FRMD5: variants seen among roughly 807,000 people sequenced by gnomAD.
FRMD5 encodes FERM domain containing 5, also known as FERM domain-containing protein 5.
Under a neutral mutation model 69.0 loss-of-function variants are expected in FRMD5, and 20 were observed. That is an observed-to-expected ratio of 0.29 (90% CI 0.20 to 0.42). The LOEUF (loss-of-function observed/expected upper bound fraction) is 0.42. Ranked by LOEUF, FRMD5 falls within the 10% of genes least tolerant of loss-of-function variation. FRMD5 has a pLI of 1.00. For missense variants in FRMD5, 595 were observed against 708.6 expected, an observed-to-expected ratio of 0.84 and a Z score of 1.82; for synonymous variants, 271 against 260.1, an observed-to-expected ratio of 1.04 and a Z score of -0.40.
chr15:44,181,316 G>A (rs1169855628), intron 1 of FRMD5, among the ~76,000 whole-genome samples: 1 of 151,848 alleles, frequency 6.6e-6, no homozygotes, highest in East Asian at 1.9e-4. Flanking sequence ...AGTGTTGGAG[G>A]CATGAGCTAC....
At chr15:44,142,950 C>T (rs1377907467) in intron 1 of FRMD5, among the ~76,000 whole-genome samples, 1 of 151,854 alleles carries the variant, frequency 6.6e-6, no homozygotes, top group African/African-American at 2.4e-5. Flanking sequence ...ATTAGCTGGG[C>T]GTGGTGGCGC....
At chr15:43,912,693 G>C (rs1254692585) in intron 4 of FRMD5, among the ~76,000 whole-genome samples, 1 of 151,916 alleles carries the variant, frequency 6.6e-6, no homozygotes, top group Non-Finnish European at 1.5e-5. Flanking sequence ...GTCAGAATCT[G>C]TATGTGTTGG....
At chr15:44,109,734 A>G (rs1017517585) in intron 1 of FRMD5, among the ~76,000 whole-genome samples, 1 of 152,322 alleles carries the variant, frequency 6.6e-6, no homozygotes, top group Non-Finnish European at 1.5e-5. Flanking sequence ...AAAGTGTACA[A>G]TGACGTATAT....
At chr15:43,875,827 T>TTTTTTTC (rs59125307) in intron 13 of FRMD5, 2 of 401,118 alleles carry the variant, frequency 5.0e-6, no homozygotes, top group African/African-American at 4.9e-5. Context: ...TTTTTTTTTT[T>TTTTTTTC]CTTTCAGTCT....
intron 1 of FRMD5, among the ~76,000 whole-genome samples, chr15:44,023,643 G>T (rs1346706434): frequency 1.3e-5 from 2 of 152,132 alleles, no homozygotes. Flanking sequence ...CTTGTTTGCA[G>T]TCCATACACA....
Position 44,188,716 on chromosome 15 carries a change from C to T in FRMD5, c.102+6237G>A, listed in dbSNP as rs75930851. ...CACAATTTCTACTGAAGGAAAAGGG[C>T]CCCTGAATTGTGACATAGTAAAATG... On this transcript the variant is annotated intron_variant, in intron 1 of 13. Transcript: ENST00000417257. Among the ~76,000 whole-genome samples, 389 of 152,094 alleles carry T rather than the reference C, an allele frequency of 2.6e-3. 9 individuals carry two copies. The East Asian group carries it at 0.057, about 22-fold the overall frequency.
Position 44,072,713 on chromosome 15 carries a change from T to C in FRMD5, c.102+122240A>G, listed in dbSNP as rs989901294. Among the ~76,000 whole-genome samples the C allele has an allele frequency of 3.3e-5, 5 of 152,320 alleles. No individual in the cohort carries two copies. The East Asian group carries it at 7.7e-4, about 23-fold the overall frequency. On this transcript the variant is annotated intron_variant, in intron 1 of 13. Coordinates refer to ENST00000417257, the MANE Select transcript of FRMD5 (RefSeq NM_032892.5). The stretch of plus-strand genomic sequence containing the variant: ...GATTGAAAGAAACTCTTTCAACTAA[T>C]TGGATTATGATTCTAGATGGCAAAT...
intron 1 of FRMD5, among the ~76,000 whole-genome samples, chr15:43,985,276 G>C (rs1205442929): frequency 1.4e-5 from 1 of 69,874 alleles, no homozygotes. Context: ...GCGAGACTCC[G>C]TCTCAAAAAA....
chr15:43,971,654 T>C (rs2090381052), intron 1 of FRMD5, among the ~76,000 whole-genome samples: 2 of 151,466 alleles, frequency 1.3e-5, no homozygotes, highest in African/African-American at 2.4e-5. Context: ...AGAGTTTCTA[T>C]GCAATAGGGT....
At chr15:43,980,854 C>T (rs894004122) in intron 1 of FRMD5, among the ~76,000 whole-genome samples, 1 of 152,016 alleles carries the variant, frequency 6.6e-6, no homozygotes, top group Non-Finnish European at 1.5e-5. Flanking sequence ...TACAATTGAC[C>T]CTTGAACAAT....
At chr15:43,895,761 C>G (rs904659540) in intron 7 of FRMD5, among the ~76,000 whole-genome samples, 1 of 152,202 alleles carries the variant, frequency 6.6e-6, no homozygotes, top group Non-Finnish European at 1.5e-5. Flanking sequence ...GCCTCTGGCA[C>G]ATGAGGCTCA....
chr15:44,170,429 G>A (rs1483415431), intron 1 of FRMD5, among the ~76,000 whole-genome samples: 8 of 151,764 alleles, frequency 5.3e-5, no homozygotes, highest in South Asian at 4.2e-4. Context: ...AAGCTGAGGT[G>A]AGAGAATCAC....
At chr15:44,095,379 A>C (rs191286857) in intron 1 of FRMD5, among the ~76,000 whole-genome samples, 27 of 151,974 alleles carry the variant, frequency 1.8e-4, no homozygotes, top group Admixed American at 1.7e-3. Context: ...ATTTTTAAAA[A>C]TTTTTTGTAG....
In FRMD5 at chr15:43,878,521, G is replaced by T. The variant is rs146232753; in HGVS notation, c.1136-4059C>A. ...CTGTTCCTCTGATCTCTCTTCCACA[G>T]TATTCCTCCCTGATGTCCCCATTTG... On this transcript the variant is annotated intron_variant, in intron 13 of 13. Coordinates refer to ENST00000417257, the MANE Select transcript of FRMD5 (RefSeq NM_032892.5). Among the ~76,000 whole-genome samples the T allele has an allele frequency of 2.7e-3, 413 of 152,290 alleles. 4 individuals are homozygous for T. Among genetic ancestry groups the T allele is most frequent in the African/African-American group, 9.4e-3 (389 of 41,552 alleles).
intron 1 of FRMD5, among the ~76,000 whole-genome samples, chr15:43,966,004 G>C (rs777641572): frequency 1.3e-5 from 2 of 152,164 alleles, no homozygotes; most frequent in Non-Finnish European, 2.9e-5. Context: ...AAATGTTAAT[G>C]AAAGTGCCTG....
At chr15:44,170,341 G>A (rs555408389) in intron 1 of FRMD5, among the ~76,000 whole-genome samples, 1 of 152,220 alleles carries the variant, frequency 6.6e-6, no homozygotes, top group East Asian at 1.9e-4. Context: ...TGACCAATAT[G>A]GTGAAACCAC....
At chr15:44,061,782 G>A (rs115247775) in intron 1 of FRMD5, among the ~76,000 whole-genome samples, 154 of 152,288 alleles carry the variant, frequency 1.0e-3, no homozygotes, top group African/African-American at 3.6e-3. Context: ...TTCTAATGGC[G>A]AGATGCATTA....
chr15:44,073,852 G>C (rs917009788), intron 1 of FRMD5, among the ~76,000 whole-genome samples: 1 of 151,968 alleles, frequency 6.6e-6, no homozygotes, highest in Non-Finnish European at 1.5e-5. Flanking sequence ...ATAAAACATT[G>C]GTATGAACTG....
chr15:44,138,202 G>A (rs2077215761), intron 1 of FRMD5, among the ~76,000 whole-genome samples: 1 of 152,012 alleles, frequency 6.6e-6, no homozygotes, highest in African/African-American at 2.4e-5. Context: ...TTTGGTAGAT[G>A]AATTCACTCA....
Sources: allele counts gnomAD v4.1 joint callset (sites outside exome capture counted in the v4.1 genomes callset), GRCh38; gene constraint gnomAD v4.1.1; transcripts MANE v1.5; gene names NCBI Gene and HGNC (gene_info 2026-07-23, HGNC 2026-07-21).